The following KLRD1 variants were observed in gnomAD, a reference collection of about 807,000 sequenced individuals.
KLRD1 encodes the protein natural killer cells antigen CD94.
KLRD1 carries 21 observed loss-of-function variants against 22.6 expected under a neutral mutation model. The ratio of observed to expected loss-of-function variants is 0.93; its 90% confidence interval spans 0.66 to 1.34. The LOEUF (loss-of-function observed/expected upper bound fraction) is 1.34, where lower values mean the gene tolerates loss of function less well. KLRD1 is among the 40% of genes most tolerant of loss of function. KLRD1 has a pLI of 0.00. For synonymous variants in KLRD1, 59 were observed against 71.1 expected (o/e 0.83, Z 0.85); for missense variants, 183 against 208.6 (o/e 0.88, Z 0.76).
chr12:10,268,207 T>G (rs1489129060), intron 1 of KLRD1, among the ~76,000 whole-genome samples: 1 of 152,206 alleles, frequency 6.6e-6, no homozygotes, highest in African/African-American at 2.4e-5. Flanking sequence ...TGTGGAGAAT[T>G]ACACTGGCTC....
At position 10,315,418 on chromosome 12, in the gene KLRD1, C is replaced by A; in HGVS notation, c.*625C>A. On this transcript the variant is annotated 3_prime_UTR_variant, in exon 6 of 6. Transcript: ENST00000336164. Reference sequence around the variant, plus strand: ...TGGGATTATAGGTGTGAACCACCATCCCTGGCCCTCTTCACATTCTTGTAT... The same window carrying A: ...TGGGATTATAGGTGTGAACCACCATACCTGGCCCTCTTCACATTCTTGTAT... 4.5e-6 allele frequency: 1 copy of A among 220,898 alleles called. No homozygotes were observed. The highest frequency in any genetic ancestry group is 9.3e-6 in the Non-Finnish European group (1 of 107,176). The allele number at this position is 220,898 out of a possible 1,614,324, so 13.7% of individuals were successfully genotyped here.
chr12:10,311,151 A>T (rs568922786), intron 3 of KLRD1, among the ~76,000 whole-genome samples: 2 of 152,150 alleles, frequency 1.3e-5, no homozygotes, highest in Non-Finnish European at 2.9e-5. Flanking sequence ...ACTGCCCCTC[A>T]TCTTACACTC....
In KLRD1 at chr12:10,242,646, A is replaced by G. The variant is rs556296941; in HGVS notation, c.-101+16413A>G. 1.8e-4 allele frequency among the ~76,000 whole-genome samples: 27 copies of G among 152,270 alleles called. No homozygotes were observed. The East Asian group carries it at 5.0e-3, about 28-fold the overall frequency. ...CTTCTGCAAATGGTTATACTACTTC[A>G]CAACTGCAACCACAATGTGTAAAGT... On this transcript the variant is annotated intron_variant, in intron 1 of 5. Transcript: ENST00000544747.
At position 10,273,058 on chromosome 12, in the gene KLRD1, C is replaced by T. The variant is rs566578755; in HGVS notation, c.-100-34920C>T. On this transcript the variant is annotated intron_variant, in intron 1 of 5. Coordinates refer to the KLRD1 transcript ENST00000544747. ...AACACAACATACAACCCTATTCCCTCGATATAATCTCTAACATAATTATTC... is the reference window on the plus strand; with the variant it reads ...AACACAACATACAACCCTATTCCCTTGATATAATCTCTAACATAATTATTC... 1.3e-3 allele frequency among the ~76,000 whole-genome samples: 200 copies of T among 152,152 alleles called. 1 individual carries two copies. Among genetic ancestry groups the T allele is most frequent in the African/African-American group, 4.5e-3 (188 of 41,524 alleles).
chr12:10,284,021 C>A (rs935581259), intron 1 of KLRD1, among the ~76,000 whole-genome samples: 1,239 of 128,516 alleles, frequency 9.6e-3, no homozygotes, highest in Non-Finnish European at 0.014. Flanking sequence ...ATTAAAAATA[C>A]AAAAAAAAAA....
In KLRD1 at chr12:10,324,818, G is replaced by GTGTGTATATATATATATATATATATATA. The variant is rs750696767; in HGVS notation, c.*10026_*10027insGTGTATATATATATATATATATATATAT. ...AGTATATATGTATATGTGTGTGTGTGTATATATATATATATATATATATAT... is the reference window on the plus strand; with the variant it reads ...AGTATATATGTATATGTGTGTGTGTGTGTGTATATATATATATATATATATATATATATATATATATATATATATATAT... On this transcript the variant is annotated 3_prime_UTR_variant, in exon 6 of 6. Transcript: ENST00000336164. 1.3e-5 allele frequency: 1 copy of GTGTGTATATATATATATATATATATATA among 74,144 alleles called. No homozygotes were observed. The highest frequency in any genetic ancestry group is 5.8e-4 in the East Asian group (1 of 1,736). The allele number at this position is 74,144 out of a possible 1,614,324, so 4.6% of individuals were successfully genotyped here.
intron 1 of KLRD1, among the ~76,000 whole-genome samples, chr12:10,239,461 C>CTTTCCTTATT (rs1949215770): frequency 2.8e-5 from 1 of 35,632 alleles, no homozygotes; most frequent in Non-Finnish European, 5.9e-5. Context: ...TTCCTTCCTT[C>CTTTCCTTATT]CTTCCTTCCT....
intron 1 of KLRD1, among the ~76,000 whole-genome samples, chr12:10,278,863 A>G (rs906089547): frequency 1.3e-5 from 2 of 152,068 alleles, no homozygotes; most frequent in African/African-American, 2.4e-5. Flanking sequence ...GCAAATTTGC[A>G]CAGAGGCATA....
At chr12:10,287,370 C>A (rs1949717013) in intron 1 of KLRD1, among the ~76,000 whole-genome samples, 1 of 151,976 alleles carries the variant, frequency 6.6e-6, no homozygotes, top group Non-Finnish European at 1.5e-5. Flanking sequence ...ACAAATAACT[C>A]CGAATTTTTT....
At chr12:10,308,704 A>G (rs1949981069) in intron 1 of KLRD1, 1 of 153,338 alleles carries the variant, frequency 6.5e-6, no homozygotes, top group Non-Finnish European at 1.5e-5. Context: ...TCAATTTGTT[A>G]TCAGTTATCA....
chr12:10,267,475 T>C (rs1203869564), intron 1 of KLRD1, among the ~76,000 whole-genome samples: 1 of 152,082 alleles, frequency 6.6e-6, no homozygotes, highest in Non-Finnish European at 1.5e-5. Flanking sequence ...AAGCAGAAGA[T>C]AAAATGTTGA....
intron 1 of KLRD1, among the ~76,000 whole-genome samples, chr12:10,268,333 A>G (rs1009802602): frequency 6.6e-6 from 1 of 152,188 alleles, no homozygotes; most frequent in Non-Finnish European, 1.5e-5. Flanking sequence ...TATGTGATTT[A>G]TGTGATTTTT....
Position 10,324,203 on chromosome 12 carries a change from A to C in KLRD1, c.*9410A>C, listed in dbSNP as rs578088080. On this transcript the variant is annotated 3_prime_UTR_variant, in exon 6 of 6. Coordinates refer to ENST00000336164, the MANE Select transcript of KLRD1 (RefSeq NM_002262.5). ...TGAGAGTCTTCTGATCCTTGAGTAA[A>C]GTATGTTTCTTGTACCTCAATATGC... 16 of 152,096 alleles carry C rather than the reference A, an allele frequency of 1.1e-4. No individual in the cohort carries two copies. The highest frequency in any genetic ancestry group is 2.2e-4 in the Non-Finnish European group (15 of 68,034). The allele number at this position is 152,096 out of a possible 1,614,324, so 9.4% of individuals were successfully genotyped here. A position where few individuals can be genotyped will look rare whatever the true frequency, so the allele number is the denominator to read the frequency against.
At chr12:10,278,987 G>GTT (rs201158757) in intron 1 of KLRD1, among the ~76,000 whole-genome samples, 11 of 128,394 alleles carry the variant, frequency 8.6e-5, no homozygotes, top group Non-Finnish European at 8.4e-5. Flanking sequence ...GTTAGCATCA[G>GTT]TTTTTTTTTT....
At chr12:10,273,014 A>G (rs1949563378) in intron 1 of KLRD1, among the ~76,000 whole-genome samples, 1 of 152,182 alleles carries the variant, frequency 6.6e-6, no homozygotes, top group Non-Finnish European at 1.5e-5. Flanking sequence ...ATTTATGCTC[A>G]TTGTAGATGA....
At chr12:10,305,708 A>T (rs1949911420), upstream of KLRD1, among the ~76,000 whole-genome samples, 1 of 152,234 alleles carries the variant, frequency 6.6e-6, no homozygotes, top group African/African-American at 2.4e-5. Flanking sequence ...GGAGAAAAAA[A>T]GAACCCATAG....
chr12:10,273,464 G>A (rs1412794883), intron 1 of KLRD1, among the ~76,000 whole-genome samples: 2 of 152,072 alleles, frequency 1.3e-5, no homozygotes, highest in Non-Finnish European at 2.9e-5. Context: ...TGTTTCTGAT[G>A]AGCATAATTT....
chr12:10,302,178 G>GA (rs1404341886), upstream of KLRD1, among the ~76,000 whole-genome samples: 77 of 152,156 alleles, frequency 5.1e-4, no homozygotes, highest in Middle Eastern at 3.4e-3. Flanking sequence ...CATGCTTTTG[G>GA]AAAAAATGGT....
chr12:10,239,725 T>G (rs1246655788), intron 1 of KLRD1, among the ~76,000 whole-genome samples: 3 of 151,506 alleles, frequency 2.0e-5, no homozygotes, highest in African/African-American at 7.3e-5. Flanking sequence ...CACTGTAACC[T>G]CCACTTCCCG....
Sources: gnomAD v4.1 joint callset for allele counts (sites outside exome capture counted in the v4.1 genomes callset) on GRCh38, gnomAD v4.1.1 for gene constraint, MANE v1.5 for transcripts, NCBI Gene and HGNC (gene_info 2026-07-23, HGNC 2026-07-21) for gene names.